SNED1: variants seen among roughly 807,000 people sequenced by gnomAD.
SNED1 encodes sushi, nidogen and EGF-like domain-containing protein 1.
A neutral mutation model predicts 166.7 loss-of-function variants in SNED1; 81 were observed. The ratio of observed to expected loss-of-function variants is 0.49; its 90% CI spans 0.41 to 0.58. SNED1 has a LOEUF of 0.58. Among genes scored for constraint, SNED1 ranks in the 20% least tolerant of loss-of-function variants. The pLI, the probability that SNED1 is intolerant of heterozygous loss-of-function variation, is 0.00. For synonymous variants in SNED1, 762 were observed against 822.0 expected (o/e 0.93, Z 1.25); for missense variants, 1,604 against 2,000.2 (o/e 0.80, Z 3.78).
chr2:241,058,165 A>G (rs1001509965), intron 16 of SNED1, among the ~76,000 whole-genome samples: 1 of 152,186 alleles, frequency 6.6e-6, no homozygotes, highest in African/African-American at 2.4e-5. Flanking sequence ...GAAAAAGAAG[A>G]GTATAAGACG....
chr2:241,062,930 G>A (rs371339793), intron 17 of SNED1, 26 bp downstream of exon 17: 73 of 1,432,034 alleles, frequency 5.1e-5, no homozygotes, highest in Middle Eastern at 3.6e-4. Flanking sequence ...GCCCCGCTGG[G>A]GTGACAGCTG....
chr2:241,080,932 C>T (rs1468862386), intron 27 of SNED1, among the ~76,000 whole-genome samples: 1 of 152,232 alleles, frequency 6.6e-6, no homozygotes, highest in Non-Finnish European at 1.5e-5. Context: ...GCAGGAGCGA[C>T]AGGGACAGAC....
intron 24 of SNED1, 77 bp downstream of exon 24, chr2:241,070,278 C>G: frequency 7.0e-7 from 1 of 1,423,610 alleles, no homozygotes; most frequent in East Asian, 2.5e-5. Flanking sequence ...TGACCTGGCC[C>G]TGCAGGGGCC....
intron 16 of SNED1, among the ~76,000 whole-genome samples, chr2:241,053,565 C>T (rs1379562215): frequency 2.0e-5 from 3 of 152,180 alleles, no homozygotes; most frequent in East Asian, 1.9e-4. Context: ...CAGAGCAGCC[C>T]GGAGCAGGAG....
At chr2:241,050,129 G>T in intron 12 of SNED1, 196 bp downstream of exon 12, 1 of 640,304 alleles carries the variant, frequency 1.6e-6, no homozygotes, top group South Asian at 1.7e-5. Flanking sequence ...ATCTGCACCA[G>T]TGCCAGGCCT....
rs1574992413 is a variant in SNED1, at chr2:241,051,885, A to G, written c.1852+25A>G. The stretch of plus-strand genomic sequence containing the variant: ...GGTGCGGCCCCCAGGGGCAGGGGGG[A>G]GGGCAGGAACGACGGGCCAGCCCTG... On this transcript the variant is annotated intron_variant, in intron 13 of 31. Transcript: ENST00000310397. The surrounding 1 kb of genome is among the most constrained non-coding windows in gnomAD (Gnocchi z 4.7). 1 of 1,512,314 alleles carries G rather than the reference A, an allele frequency of 6.6e-7. No homozygotes were observed. The highest frequency in any genetic ancestry group is 1.4e-5 in the African/African-American group (1 of 72,166). The allele number at this position is 1,512,314 out of a possible 1,614,324, so 93.7% of individuals were successfully genotyped here. A position where few individuals can be genotyped will look rare whatever the true frequency, so the allele number is the denominator to read the frequency against.
At chr2:241,016,286 C>A (rs2060588708) in intron 1 of SNED1, among the ~76,000 whole-genome samples, 1 of 151,246 alleles carries the variant, frequency 6.6e-6, no homozygotes, top group African/African-American at 2.4e-5. Context: ...GCTCCACCAC[C>A]CGGGGTTCAC....
At chr2:241,045,374 G>T (rs1387064295) in intron 8 of SNED1, among the ~76,000 whole-genome samples, 2 of 152,128 alleles carry the variant, frequency 1.3e-5, no homozygotes, top group African/African-American at 4.8e-5. Flanking sequence ...TAAATTTTGA[G>T]GAATCACACT....
intron 1 of SNED1, among the ~76,000 whole-genome samples, chr2:241,025,481 G>A (rs987667771): frequency 6.6e-6 from 1 of 152,110 alleles, no homozygotes; most frequent in East Asian, 1.9e-4. Flanking sequence ...ACTTCAACAT[G>A]ATTTGTCATC....
At position 241,051,468 on chromosome 2, in the gene SNED1, A is replaced by G; in HGVS notation, c.1736-276A>G. 1 of 359,766 alleles carries G rather than the reference A, an allele frequency of 2.8e-6. No individual in the cohort carries two copies. The highest frequency in any genetic ancestry group is 5.0e-6 in the Non-Finnish European group (1 of 200,742). 22.3% of individuals were successfully genotyped at this position (359,766 alleles called of 1,614,324 possible). Reference sequence around the variant, plus strand: ...TGCAGTGTTGGGGCCGGTTCTCCACAGGAAGGGCCCAGCCATTGCCAGAGC... The same window carrying G: ...TGCAGTGTTGGGGCCGGTTCTCCACGGGAAGGGCCCAGCCATTGCCAGAGC... On this transcript the variant is annotated intron_variant, in intron 12 of 31. Coordinates refer to ENST00000310397, the MANE Select transcript of SNED1 (RefSeq NM_001080437.3). This position sits in a 1 kb window ranked among gnomAD's most constrained non-coding sequence, Gnocchi z 4.7.
At position 241,007,370 on chromosome 2, in the gene SNED1, C is replaced by T. The variant is rs1167126343; in HGVS notation, c.213+8320C>T. 3.3e-5 allele frequency among the ~76,000 whole-genome samples: 5 copies of T among 152,330 alleles called. 1 individual carries two copies. Among genetic ancestry groups the T allele is most frequent in the Admixed American group, 1.3e-4 (2 of 15,306 alleles). On this transcript the variant is annotated intron_variant, in intron 1 of 31. Transcript: ENST00000310397. ...TCATTCACTGTTGACTTACTCACTA[C>T]TTCATTTGTTCGTTCCTTCAGTCCA...
At chr2:241,087,682 C>A in intron 30 of SNED1, 1 of 1,365,216 alleles carries the variant, frequency 7.3e-7, no homozygotes, top group South Asian at 1.9e-5. Flanking sequence ...GGGGCACAGC[C>A]GGGCATGCTG....
Position 241,069,771 on chromosome 2 carries a change from C to T in SNED1, c.3308-149C>T. The T allele has an allele frequency of 1.1e-6, 1 of 904,594 alleles. No homozygotes were observed. The highest frequency in any genetic ancestry group is 1.6e-6 in the Non-Finnish European group (1 of 610,114). 56.0% of individuals were successfully genotyped at this position (904,594 alleles called of 1,614,324 possible). On this transcript the variant is annotated intron_variant, in intron 23 of 31. Coordinates refer to ENST00000310397, the MANE Select transcript of SNED1 (RefSeq NM_001080437.3). The surrounding 1 kb of genome is among the most constrained non-coding windows in gnomAD (Gnocchi z 4.9). ...AGATTGTGCTGTACGTGCCAGCCCA[C>T]ACCCCGCCTCGGCACTGTACCATTC...
At chr2:241,034,499 C>T (rs1574941222) in intron 3 of SNED1, 69 bp from the exon 4 acceptor site, 2 of 1,379,108 alleles carry the variant, frequency 1.5e-6, no homozygotes, top group East Asian at 5.0e-5. Flanking sequence ...ATGGTGGGGG[C>T]AGGGTAACCC....
chr2:241,032,199 A>G (rs1387464122), intron 2 of SNED1, among the ~76,000 whole-genome samples: 2 of 152,028 alleles, frequency 1.3e-5, no homozygotes, highest in Non-Finnish European at 2.9e-5. Flanking sequence ...AAAATACCGA[A>G]GTCAGCCGGG....
chr2:241,008,023 C>T (rs374312711), intron 1 of SNED1, among the ~76,000 whole-genome samples: 47 of 152,268 alleles, frequency 3.1e-4, no homozygotes, highest in African/African-American at 9.2e-4. Context: ...GAAGGGCATT[C>T]GCAGTTACAC....
At position 241,018,791 on chromosome 2, in the gene SNED1, G is replaced by A. The variant is rs1338555546; in HGVS notation, c.214-11493G>A. Among the ~76,000 whole-genome samples, 2 of 152,162 alleles carry A rather than the reference G, an allele frequency of 1.3e-5. No individual in the cohort carries two copies. The highest frequency in any genetic ancestry group is 2.9e-5 in the Non-Finnish European group (2 of 68,040). On this transcript the variant is annotated intron_variant, in intron 1 of 31. Coordinates refer to ENST00000310397, the MANE Select transcript of SNED1 (RefSeq NM_001080437.3). This position sits in a 1 kb window ranked among gnomAD's most constrained non-coding sequence, Gnocchi z 5.4. Reference sequence around the variant, plus strand: ...TCAGGACTGTGTCAGCCCCACAGGAGAACCCAGGTGGCCGAACCAGAGCTG... The same window carrying A: ...TCAGGACTGTGTCAGCCCCACAGGAAAACCCAGGTGGCCGAACCAGAGCTG...
chr2:241,063,027 G>A (rs62186646), intron 17 of SNED1, 123 bp downstream of exon 17: 52,346 of 625,138 alleles, frequency 0.084, 2,752 homozygotes, highest in East Asian at 0.22. Context: ...ATGCTTTCTC[G>A]GGCCCCTGCC....
chr2:241,011,550 G>A (rs376642422), intron 1 of SNED1, among the ~76,000 whole-genome samples: 13 of 152,368 alleles, frequency 8.5e-5, no homozygotes, highest in African/African-American at 3.1e-4. Context: ...GAACAGGGGC[G>A]TCGGCTGGGA....
Sources: allele counts gnomAD v4.1 joint callset (sites outside exome capture counted in the v4.1 genomes callset), GRCh38; gene constraint gnomAD v4.1.1; non-coding constraint Gnocchi (gnomAD v3.1); transcripts MANE v1.5; gene names NCBI Gene and HGNC (gene_info 2026-07-23, HGNC 2026-07-21).